The following TPRG1 variants were observed in gnomAD, a reference collection of about 807,000 sequenced individuals.
TPRG1 encodes tumor protein p63 regulated 1, also known as tumor protein p63-regulated gene 1 protein.
TPRG1 carries 29 observed loss-of-function variants against 29.3 expected under a neutral mutation model. The ratio of observed to expected loss-of-function variants is 0.99; its 90% CI spans 0.74 to 1.35. The LOEUF (loss-of-function observed/expected upper bound fraction) is 1.35, where lower values mean the gene tolerates loss of function less well. TPRG1 is among the 40% of genes most tolerant of loss of function. TPRG1 has a pLI of 0.00. For synonymous variants in TPRG1, 130 were observed against 116.8 expected, an observed-to-expected ratio of 1.11 and a Z score of -0.73; for missense variants, 327 against 335.0, an observed-to-expected ratio of 0.98 and a Z score of 0.19.
At chr3:189,273,243 A>G (rs566571447) in intron 4 of TPRG1, among the ~76,000 whole-genome samples, 7 of 152,304 alleles carry the variant, frequency 4.6e-5, no homozygotes, top group African/African-American at 1.7e-4. Context: ...TCCAGAGCTA[A>G]CATTTTTCTT....
At chr3:189,022,034 G>T (rs1713345364) in intron 3 of TPRG1, among the ~76,000 whole-genome samples, 1 of 152,000 alleles carries the variant, frequency 6.6e-6, no homozygotes, top group Admixed American at 6.6e-5. Context: ...TGGCTCCTGA[G>T]GCTTCTGCAT....
intron 4 of TPRG1, among the ~76,000 whole-genome samples, chr3:189,280,943 G>A (rs1443015789): frequency 6.6e-6 from 1 of 152,144 alleles, no homozygotes; most frequent in African/African-American, 2.4e-5. Flanking sequence ...AGACCCATGA[G>A]ATTCAGGAAA....
intron 1 of TPRG1, among the ~76,000 whole-genome samples, chr3:189,181,623 A>T (rs993638036): frequency 6.6e-6 from 1 of 152,160 alleles, no homozygotes; most frequent in African/African-American, 2.4e-5. Flanking sequence ...CTTATTGTTC[A>T]TATTATTATC....
rs927402163 is a variant in TPRG1 at position 189,250,512 on chromosome 3, C to CA, written c.479+11603_479+11604insA. 5.5e-5 allele frequency among the ~76,000 whole-genome samples: 5 copies of CA among 90,668 alleles called. 1 individual carries two copies. The highest frequency in any genetic ancestry group is 3.8e-4 in the East Asian group (1 of 2,622). 59.5% of individuals were successfully genotyped at this position (90,668 alleles called of 152,430 possible). ...AACAAGTTCTGATTTCCGCCCCCCCCCCCCCACCCAGATTAAAGCTTTTGT... is the reference window on the plus strand; with the variant it reads ...AACAAGTTCTGATTTCCGCCCCCCCCACCCCCACCCAGATTAAAGCTTTTGT... On this transcript the variant is annotated intron_variant, in intron 4 of 5. Transcript: ENST00000345063.
At chr3:189,283,513 A>G (rs1717505456) in intron 4 of TPRG1, among the ~76,000 whole-genome samples, 1 of 152,234 alleles carries the variant, frequency 6.6e-6, no homozygotes, top group African/African-American at 2.4e-5. Context: ...ATTTTAATAA[A>G]TGTGTTTTAA....
intron 4 of TPRG1, among the ~76,000 whole-genome samples, chr3:189,149,577 A>G (rs1460904627): frequency 6.6e-6 from 1 of 152,228 alleles, no homozygotes; most frequent in Non-Finnish European, 1.5e-5. Context: ...GTTTCAGCCA[A>G]CGTGGTTATC....
chr3:188,998,587 T>C (rs1277645647), intron 1 of TPRG1, among the ~76,000 whole-genome samples: 1 of 152,198 alleles, frequency 6.6e-6, no homozygotes, highest in Non-Finnish European at 1.5e-5. Flanking sequence ...TTTGTTTCAA[T>C]GGATAAATGG....
chr3:189,152,482 G>A (rs1414422764), intron 5 of TPRG1, among the ~76,000 whole-genome samples: 1 of 152,166 alleles, frequency 6.6e-6, no homozygotes, highest in African/African-American at 2.4e-5. Context: ...GGACAGGCAT[G>A]TCTGCTGCAG....
At chr3:189,061,145 A>G (rs989416518) in intron 4 of TPRG1, among the ~76,000 whole-genome samples, 9 of 152,226 alleles carry the variant, frequency 5.9e-5, no homozygotes, top group Admixed American at 2.6e-4. Context: ...AAGGCCACAC[A>G]TTCACAACCA....
chr3:189,303,213 G>C (rs1210636211), intron 4 of TPRG1, among the ~76,000 whole-genome samples: 1 of 152,038 alleles, frequency 6.6e-6, no homozygotes, highest in Non-Finnish European at 1.5e-5. Flanking sequence ...AAATCTGGGT[G>C]TTTTTTTGGA....
At chr3:189,067,289 A>G (rs1716516549) in intron 4 of TPRG1, among the ~76,000 whole-genome samples, 1 of 152,178 alleles carries the variant, frequency 6.6e-6, no homozygotes, top group Admixed American at 6.6e-5. Flanking sequence ...TCAAAATACA[A>G]ATTACATTCT....
intron 3 of TPRG1, among the ~76,000 whole-genome samples, chr3:189,136,381 G>A (rs1723749132): frequency 6.6e-6 from 1 of 152,158 alleles, no homozygotes; most frequent in Non-Finnish European, 1.5e-5. Flanking sequence ...ACTGCTCAGG[G>A]AGGAGAGCCG....
chr3:189,007,818 A>G (rs1057077937), intron 3 of TPRG1, among the ~76,000 whole-genome samples: 2 of 140,348 alleles, frequency 1.4e-5, no homozygotes, highest in African/African-American at 2.8e-5. Flanking sequence ...AACACCGCAT[A>G]TTCTCACTCA....
At chr3:189,173,262 G>A (rs967891358) in intron 1 of TPRG1, among the ~76,000 whole-genome samples, 3 of 151,910 alleles carry the variant, frequency 2.0e-5, no homozygotes, top group African/African-American at 7.3e-5. Flanking sequence ...ATCCCTTGGG[G>A]CCACCACAAA....
At chr3:189,065,344 C>G (rs1034646675) in intron 4 of TPRG1, among the ~76,000 whole-genome samples, 1 of 151,924 alleles carries the variant, frequency 6.6e-6, no homozygotes, top group African/African-American at 2.4e-5. Context: ...ACTCTGATAC[C>G]AATACCAAAC....
chr3:189,126,571 G>A (rs560305756), intron 1 of TPRG1, among the ~76,000 whole-genome samples: 1 of 152,306 alleles, frequency 6.6e-6, no homozygotes, highest in East Asian at 1.9e-4. Flanking sequence ...GGAAATGGGT[G>A]CATGTGATTA....
At chr3:189,158,337 G>A (rs965978436) in intron 5 of TPRG1, among the ~76,000 whole-genome samples, 3 of 152,104 alleles carry the variant, frequency 2.0e-5, no homozygotes, top group Non-Finnish European at 2.9e-5. Flanking sequence ...GGCTGGGCGC[G>A]GTGGCTCACA....
At chr3:189,187,867 C>T (rs752895821) in intron 1 of TPRG1, among the ~76,000 whole-genome samples, 2 of 152,168 alleles carry the variant, frequency 1.3e-5, no homozygotes, top group African/African-American at 2.4e-5. Flanking sequence ...CTTCTGAAAG[C>T]GTTGACGTAA....
chr3:189,151,860 G>A (rs1725983700), intron 5 of TPRG1, among the ~76,000 whole-genome samples: 2 of 152,048 alleles, frequency 1.3e-5, no homozygotes, highest in African/African-American at 2.4e-5. Flanking sequence ...CATCCTGGGC[G>A]AGAGAGCATG....
Sources: allele counts gnomAD v4.1 joint callset (sites outside exome capture counted in the v4.1 genomes callset), GRCh38; gene constraint gnomAD v4.1.1; transcripts MANE v1.5; gene names NCBI Gene and HGNC (gene_info 2026-07-23, HGNC 2026-07-21).